Variants in PDE8B observed in about 807,000 individuals in gnomAD.
PDE8B encodes the protein phosphodiesterase 8B.
Under a neutral mutation model 101.3 loss-of-function variants are expected in PDE8B, and 26 were observed. The observed-to-expected ratio is 0.26, with a 90% CI of 0.19 to 0.36. PDE8B has a LOEUF of 0.36. PDE8B is among the 10% of genes least tolerant of loss of function. The pLI, the probability that PDE8B is intolerant of heterozygous loss-of-function variation, is 1.00. For synonymous variants in PDE8B, 424 were observed against 429.3 expected, an observed-to-expected ratio of 0.99 and a Z score of 0.15; for missense variants, 810 against 1,163.1, an observed-to-expected ratio of 0.70 and a Z score of 4.42.
upstream of PDE8B, among the ~76,000 whole-genome samples, chr5:77,209,120 G>T (rs1463648517): frequency 6.6e-6 from 1 of 152,172 alleles, no homozygotes; most frequent in African/African-American, 2.4e-5. Flanking sequence ...CAATTTGCCT[G>T]TCCATTAAAA....
chr5:77,252,746 G>C (rs1301582104), intron 1 of PDE8B, among the ~76,000 whole-genome samples: 2 of 152,190 alleles, frequency 1.3e-5, no homozygotes, highest in Non-Finnish European at 2.9e-5. Flanking sequence ...TCCTGGCAGA[G>C]GTAGCCGTTG....
At chr5:77,351,366 C>T (rs1306369828) in intron 9 of PDE8B, among the ~76,000 whole-genome samples, 3 of 152,204 alleles carry the variant, frequency 2.0e-5, no homozygotes. Context: ...CAACCTCCCA[C>T]CTCCACCTGA....
the PDE8B span, among the ~76,000 whole-genome samples, chr5:77,165,051 C>G: frequency 6.6e-6 from 1 of 152,158 alleles, no homozygotes; most frequent in Non-Finnish European, 1.5e-5. Context: ...GCCAAATTCT[C>G]TGGTGTAAAT....
chr5:77,195,465 C>A, the PDE8B span, among the ~76,000 whole-genome samples: 2 of 150,594 alleles, frequency 1.3e-5, no homozygotes, highest in Admixed American at 6.6e-5. Context: ...TTTTTTTTTT[C>A]AATTATAGCC....
chr5:77,333,366 T>C (rs1351909851), intron 5 of PDE8B, among the ~76,000 whole-genome samples: 1 of 152,240 alleles, frequency 6.6e-6, no homozygotes, highest in Non-Finnish European at 1.5e-5. Flanking sequence ...ACTCATTTTC[T>C]AAGAAATAGC....
the PDE8B span, among the ~76,000 whole-genome samples, chr5:77,184,374 T>C: frequency 2.0e-5 from 3 of 152,204 alleles, no homozygotes; most frequent in Non-Finnish European, 4.4e-5. Flanking sequence ...TTTTGATAAA[T>C]CATTTAATCT....
chr5:77,345,249 T>G (rs1779939091), intron 7 of PDE8B, among the ~76,000 whole-genome samples: 1 of 152,182 alleles, frequency 6.6e-6, no homozygotes, highest in Admixed American at 6.5e-5. Flanking sequence ...TCAGTATAAT[T>G]TCTGCCTCTC....
intron 1 of PDE8B, among the ~76,000 whole-genome samples, chr5:77,269,598 A>G (rs776543890): frequency 6.6e-6 from 1 of 152,144 alleles, no homozygotes; most frequent in African/African-American, 2.4e-5. Context: ...TAACGGTTTC[A>G]TAGTTTGAGG....
chr5:77,109,304 A>T, the PDE8B span, among the ~76,000 whole-genome samples: 2 of 152,222 alleles, frequency 1.3e-5, no homozygotes, highest in African/African-American at 4.8e-5. Flanking sequence ...AAGGGTTATT[A>T]TTACTCTTGT....
At chr5:77,278,361 T>G (rs1370876419) in intron 1 of PDE8B, among the ~76,000 whole-genome samples, 5 of 152,186 alleles carry the variant, frequency 3.3e-5, no homozygotes, top group African/African-American at 1.2e-4. Context: ...TCCATTTTAG[T>G]TTTTCAACTA....
At chr5:77,225,797 T>A (rs1752212748) in intron 1 of PDE8B, among the ~76,000 whole-genome samples, 1 of 151,976 alleles carries the variant, frequency 6.6e-6, no homozygotes, top group Non-Finnish European at 1.5e-5. Context: ...TAAATCCTGG[T>A]TCTTAACATC....
At chr5:77,327,242 T>A (rs1203290895) in intron 3 of PDE8B, among the ~76,000 whole-genome samples, 1 of 152,198 alleles carries the variant, frequency 6.6e-6, no homozygotes, top group Non-Finnish European at 1.5e-5. Context: ...GGACTGGACC[T>A]TAGCCTAACA....
At chr5:77,304,337 A>G (rs1351523358) in intron 1 of PDE8B, among the ~76,000 whole-genome samples, 4 of 151,904 alleles carry the variant, frequency 2.6e-5, no homozygotes, top group Admixed American at 2.6e-4. Context: ...CTCTCCTGTA[A>G]ATTTCTTTTT....
chr5:77,236,720 T>C (rs756638676), intron 1 of PDE8B, among the ~76,000 whole-genome samples: 4 of 152,136 alleles, frequency 2.6e-5, no homozygotes, highest in African/African-American at 7.2e-5. Flanking sequence ...TAGATAACTA[T>C]TTTGAGGAGT....
intron 1 of PDE8B, chr5:77,246,745 C>G (rs1757034152): frequency 6.6e-6 from 1 of 152,102 alleles, no homozygotes; most frequent in Non-Finnish European, 1.5e-5. Flanking sequence ...TTTGCCAATC[C>G]CTGGTCTACT....
At chr5:77,095,731 T>G in the PDE8B span, among the ~76,000 whole-genome samples, 1 of 152,178 alleles carries the variant, frequency 6.6e-6, no homozygotes, top group Non-Finnish European at 1.5e-5. Flanking sequence ...TTTGTAAACA[T>G]CTAATTTCTT....
At chr5:77,128,534 C>T in the PDE8B span, among the ~76,000 whole-genome samples, 1 of 152,140 alleles carries the variant, frequency 6.6e-6, no homozygotes, top group Non-Finnish European at 1.5e-5. Context: ...GTCAGACAAG[C>T]CTTGGAGCAA....
chr5:77,087,729 T>G, the PDE8B span: 1 of 152,288 alleles, frequency 6.6e-6, no homozygotes, highest in East Asian at 1.9e-4. Context: ...CACTCCAGGC[T>G]GAAAGGTCAA....
intron 4 of PDE8B, 108 bp downstream of exon 4, chr5:77,329,165 C>T: frequency 1.3e-6 from 1 of 796,288 alleles, no homozygotes; most frequent in Non-Finnish European, 2.2e-6. Context: ...TGTCTTGGGT[C>T]CTAGAACACC....
Sources: gnomAD v4.1 joint callset for allele counts (sites outside exome capture counted in the v4.1 genomes callset) on GRCh38, gnomAD v4.1.1 for gene constraint, MANE v1.5 for transcripts, NCBI Gene and HGNC (gene_info 2026-07-23, HGNC 2026-07-21) for gene names.